HERC1: variants seen among roughly 807,000 people sequenced by gnomAD.
The protein encoded by HERC1 is probable E3 ubiquitin-protein ligase HERC1.
HERC1 carries 160 observed loss-of-function variants against 554.3 expected under a neutral mutation model. The ratio of observed to expected loss-of-function variants is 0.29; its 90% CI spans 0.25 to 0.33. The LOEUF is 0.33. HERC1 is among the 10% of genes least tolerant of loss of function. The probability of loss-of-function intolerance (pLI) is 1.00; values close to 1 mark genes in which losing one functional copy is unlikely to be tolerated. For missense variants in HERC1, 4,919 were observed against 5,918.5 expected (o/e 0.83, Z 5.54); for synonymous variants, 2,175 against 2,131.7 (o/e 1.02, Z -0.56).
intron 3 of HERC1, among the ~76,000 whole-genome samples, chr15:63,759,742 C>A (rs574045233): frequency 3.3e-5 from 5 of 152,186 alleles, no homozygotes; most frequent in African/African-American, 1.2e-4. Flanking sequence ...TTTGGTTTTG[C>A]TGAATCAAGC....
chr15:63,703,997 C>G (rs2072869698), intron 25 of HERC1, among the ~76,000 whole-genome samples: 1 of 151,936 alleles, frequency 6.6e-6, no homozygotes, highest in Non-Finnish European at 1.5e-5. Flanking sequence ...AAGTCAGAAT[C>G]AGAATACTCA....
chr15:63,802,708 A>G (rs2077030926), intron 1 of HERC1, among the ~76,000 whole-genome samples: 1 of 152,194 alleles, frequency 6.6e-6, no homozygotes, highest in African/African-American at 2.4e-5. Flanking sequence ...AAGGAACTGG[A>G]AAAAAACCAA....
At chr15:63,669,415 G>T in intron 40 of HERC1, 123 bp downstream of exon 40, 1 of 893,748 alleles carries the variant, frequency 1.1e-6, no homozygotes, top group Non-Finnish European at 1.8e-6. Flanking sequence ...TAATGGGGCA[G>T]TTCCCCTTCA....
In HERC1 at chr15:63,648,211, A is replaced by C; in HGVS notation, c.10748-12T>G. 1 of 1,595,022 alleles carries C rather than the reference A, an allele frequency of 6.3e-7. No homozygotes were observed. The highest frequency in any genetic ancestry group is 8.6e-7 in the Non-Finnish European group (1 of 1,169,208). On this transcript the variant is annotated splice_polypyrimidine_tract_variant and intron_variant, in intron 54 of 77. Coordinates refer to ENST00000443617, the MANE Select transcript of HERC1 (RefSeq NM_003922.4). ...GCAAGTAACAGACACTAACATGATC[A>C]AAACAAAAGAGTAAGGAAAAGATAA...
intron 70 of HERC1, among the ~76,000 whole-genome samples, chr15:63,627,623 G>A (rs1161193745): frequency 2.0e-5 from 3 of 151,026 alleles, no homozygotes; most frequent in East Asian, 3.9e-4. Context: ...GCAGTAAGCC[G>A]AGATTGCGCC....
chr15:63,684,041 A>C (rs967786684), intron 34 of HERC1, among the ~76,000 whole-genome samples: 2 of 152,238 alleles, frequency 1.3e-5, no homozygotes, highest in African/African-American at 2.4e-5. Flanking sequence ...GTGGGGCCAC[A>C]AAGTCTGAAA....
chr15:63,729,593 T>G lies in HERC1; in HGVS notation c.2925A>C (p.Ser975=). ...KNSDKFLLGT[S]SSENSQPAHL... ...GAGCAGGCTGACTGTTTTCTGATGA[T>G]GATGTTCCAAGTAGAAATTTATCAC... is the stretch of plus-strand genomic sequence containing the variant. Residue 975 remains serine (S), a synonymous_variant, in exon 15 of 78, where the codon TCA becomes TCC. Transcript: ENST00000443617. 1 of 1,613,786 alleles carries G rather than the reference T, an allele frequency of 6.2e-7. No homozygotes were observed. The highest frequency in any genetic ancestry group is 8.5e-7 in the Non-Finnish European group (1 of 1,179,702).
chr15:63,638,575 TTCAC>T (rs2068888688), intron 62 of HERC1, 39 bp from the exon 63 acceptor site: 6 of 1,613,558 alleles, frequency 3.7e-6, no homozygotes, highest in Non-Finnish European at 5.1e-6. Context: ...GAGTCATCCA[TTCAC>T]TCAAACAGCC....
In HERC1 at chr15:63,645,075, A is replaced by T. The variant is rs1186295602; in HGVS notation, c.11101T>A (p.Cys3701Ser). The T allele has an allele frequency of 1.2e-6, 2 of 1,613,854 alleles. No individual in the cohort carries two copies. Among genetic ancestry groups the T allele is most frequent in the Non-Finnish European group, 1.7e-6 (2 of 1,179,764 alleles). The change falls in exon 57 of 78, where the codon TGT (cysteine) becomes AGT (serine). Residue 3701 changes from cysteine (C) to serine (S), a missense_variant. By Grantham distance (112) the Cys-to-Ser change is moderately radical. Coordinates refer to ENST00000443617, the MANE Select transcript of HERC1 (RefSeq NM_003922.4). Reference protein sequence around the residue: ...MATGCQSGLVCVWRIPQDTTQ... With the variant: ...MATGCQSGLVSVWRIPQDTTQ... ...GTATCTTGAGGAATGCGCCAAACAC[A>T]TACTAAGCCACTCTGACAGCCACTT... is the stretch of plus-strand genomic sequence containing the variant.
chr15:63,620,066 G>C (rs1365211151), intron 74 of HERC1, among the ~76,000 whole-genome samples: 2 of 151,986 alleles, frequency 1.3e-5, no homozygotes, highest in Non-Finnish European at 2.9e-5. Context: ...TGCTTCTCTA[G>C]TTCTTTTTAT....
Position 63,672,861 on chromosome 15 carries a change from A to G in HERC1, c.7847-167T>C, listed in dbSNP as rs148793071. The stretch of plus-strand genomic sequence containing the variant: ...GAAAAAAATATTCTTACTTATATAC[A>G]TCTTTGTATTCACTACTGTACTCAT... On this transcript the variant is annotated intron_variant, in intron 38 of 77. Coordinates refer to ENST00000443617, the MANE Select transcript of HERC1 (RefSeq NM_003922.4). Among the ~76,000 whole-genome samples, 1,131 of 152,324 alleles carry G rather than the reference A, an allele frequency of 7.4e-3. 17 individuals carry two copies. The highest frequency in any genetic ancestry group is 0.026 in the African/African-American group (1,084 of 41,572).
chr15:63,619,596 G>C (rs2067979901), intron 74 of HERC1, among the ~76,000 whole-genome samples: 1 of 152,162 alleles, frequency 6.6e-6, no homozygotes, highest in Non-Finnish European at 1.5e-5. Flanking sequence ...TGTACCTCTG[G>C]TAGAAGTTGG....
intron 30 of HERC1, 58 bp downstream of exon 30, chr15:63,693,906 C>T (rs1462951456): frequency 1.5e-5 from 23 of 1,496,288 alleles, no homozygotes; most frequent in Non-Finnish European, 2.1e-5. Flanking sequence ...ATCATATGCA[C>T]ACAATGGGGT....
At chr15:63,716,173 G>C (rs776925298) in intron 22 of HERC1, 129 bp downstream of exon 22, 2 of 776,108 alleles carry the variant, frequency 2.6e-6, no homozygotes, top group Admixed American at 2.6e-5. Flanking sequence ...TACAAATTGA[G>C]ATCACCAGCA....
intron 56 of HERC1, 74 bp from the exon 57 acceptor site, chr15:63,645,171 A>G: frequency 1.9e-6 from 2 of 1,079,402 alleles, no homozygotes; most frequent in Non-Finnish European, 2.9e-6. Context: ...AATTGCAATC[A>G]ATTAAGATCT....
At chr15:63,739,325 G>T (rs1274112908) in intron 12 of HERC1, among the ~76,000 whole-genome samples, 1 of 149,360 alleles carries the variant, frequency 6.7e-6, no homozygotes, top group Non-Finnish European at 1.5e-5. Flanking sequence ...AGCCTCCCAA[G>T]CGGCTAGGAC....
chr15:63,795,410 T>C (rs1009450521), intron 1 of HERC1, among the ~76,000 whole-genome samples: 2 of 152,132 alleles, frequency 1.3e-5, no homozygotes, highest in African/African-American at 4.8e-5. Context: ...GCACCTAAGA[T>C]TGCAGAAGTA....
At chr15:63,708,408 C>A (rs1032994786) in intron 24 of HERC1, among the ~76,000 whole-genome samples, 2 of 152,190 alleles carry the variant, frequency 1.3e-5, no homozygotes, top group African/African-American at 2.4e-5. Context: ...CTTTATTTTC[C>A]TCTCTCAGCC....
At chr15:63,830,569 A>T (rs1387847384) in intron 1 of HERC1, among the ~76,000 whole-genome samples, 1 of 152,200 alleles carries the variant, frequency 6.6e-6, no homozygotes, top group Non-Finnish European at 1.5e-5. Flanking sequence ...AATTAAGTAA[A>T]ATCTATAGTC....
Sources: gnomAD v4.1 joint callset for allele counts (sites outside exome capture counted in the v4.1 genomes callset) on GRCh38, gnomAD v4.1.1 for gene constraint, MANE v1.5 for transcripts, NCBI Gene and HGNC (gene_info 2026-07-23, HGNC 2026-07-21) for gene names.